Variants in F2R observed in about 807,000 individuals in gnomAD.
F2R encodes the protein coagulation factor II thrombin receptor.
In F2R, 12 loss-of-function variants were observed where a neutral mutation model predicts 18.3. The observed-to-expected ratio is 0.66, with a 90% CI of 0.42 to 1.06. The LOEUF (loss-of-function observed/expected upper bound fraction) is 1.06. Among genes scored for constraint, F2R ranks in the 50% least tolerant of loss-of-function variants. The pLI is 0.00. For synonymous variants in F2R, 210 were observed against 219.9 expected, an observed-to-expected ratio of 0.95 and a Z score of 0.40; for missense variants, 438 against 530.8, an observed-to-expected ratio of 0.83 and a Z score of 1.72.
chr5:76,728,153 TATAAC>T (rs1748604953), intron 1 of F2R, among the ~76,000 whole-genome samples: 2 of 152,254 alleles, frequency 1.3e-5, no homozygotes, highest in South Asian at 2.1e-4. Flanking sequence ...AAATCAAACT[TATAAC>T]ATGTATTACC....
chr5:76,732,247 T>G (rs1472024540), intron 1 of F2R, 67 bp from the exon 2 acceptor site: 1 of 1,243,516 alleles, frequency 8.0e-7, no homozygotes, highest in African/African-American at 1.5e-5. Context: ...TGCTCTCTGC[T>G]TGTCGCTTTT....
chr5:76,726,254 G>A (rs905402186), intron 1 of F2R, among the ~76,000 whole-genome samples: 4 of 151,842 alleles, frequency 2.6e-5, no homozygotes, highest in Non-Finnish European at 4.4e-5. Flanking sequence ...CTGGGCAGCC[G>A]GGCGCGGTGG....
At chr5:76,722,780 G>C (rs1748489036) in intron 1 of F2R, among the ~76,000 whole-genome samples, 1 of 152,018 alleles carries the variant, frequency 6.6e-6, no homozygotes, top group African/African-American at 2.4e-5. Flanking sequence ...GTGAAACCCT[G>C]TCTCTACTAA....
chr5:76,724,333 A>G (rs1748518547), intron 1 of F2R, among the ~76,000 whole-genome samples: 1 of 152,218 alleles, frequency 6.6e-6, no homozygotes, highest in Admixed American at 6.5e-5. Flanking sequence ...GGCTTCCCGA[A>G]GTGCTGGCAT....
chr5:76,725,717 C>T (rs1327820065), intron 1 of F2R, among the ~76,000 whole-genome samples: 2 of 151,992 alleles, frequency 1.3e-5, no homozygotes, highest in Admixed American at 6.6e-5. Flanking sequence ...CCTTAGGCAG[C>T]GATATTTAAC....
intron 1 of F2R, among the ~76,000 whole-genome samples, chr5:76,731,508 CTT>C (rs112086507): frequency 4.3e-4 from 60 of 141,122 alleles, no homozygotes; most frequent in African/African-American, 1.4e-3. Flanking sequence ...ATCCCCTCTA[CTT>C]TTTTTTTTTT....
intron 1 of F2R, 173 bp downstream of exon 1, chr5:76,716,568 C>T (rs774339971): frequency 1.4e-6 from 1 of 698,214 alleles, no homozygotes. Context: ...GGCGTGCCAC[C>T]CCCTTCGCGG....
At chr5:76,724,932 T>A (rs1244620528) in intron 1 of F2R, among the ~76,000 whole-genome samples, 1 of 152,248 alleles carries the variant, frequency 6.6e-6, no homozygotes, top group Non-Finnish European at 1.5e-5. Context: ...GCTGGTGTTT[T>A]CCACTTGACA....
chr5:76,727,976 C>A (rs1446496547), intron 1 of F2R, among the ~76,000 whole-genome samples: 1 of 150,908 alleles, frequency 6.6e-6, no homozygotes, highest in Non-Finnish European at 1.5e-5. Context: ...TAGCCTCGAT[C>A]TCCCAGGCTC....
intron 1 of F2R, chr5:76,716,602 T>A: frequency 1.4e-6 from 1 of 712,018 alleles, no homozygotes; most frequent in Non-Finnish European, 2.5e-6. Flanking sequence ...CCCTTTGGAC[T>A]CGATCTTGGA....
chr5:76,727,257 G>A (rs572506074), intron 1 of F2R, among the ~76,000 whole-genome samples: 15 of 152,250 alleles, frequency 9.9e-5, no homozygotes, highest in South Asian at 2.1e-4. Context: ...TGTTTCACAC[G>A]GGATGCTCCA....
rs11459024 is a variant in F2R, at chr5:76,722,950, C to CAA, written c.88+6568_88+6569dup. 3.5e-3 allele frequency among the ~76,000 whole-genome samples: 502 copies of CAA among 144,996 alleles called. 1 individual carries two copies. Among genetic ancestry groups the CAA allele is most frequent in the East Asian group, 0.014 (71 of 4,942 alleles). On this transcript the variant is annotated intron_variant, in intron 1 of 1. Coordinates refer to ENST00000319211, the MANE Select transcript of F2R (RefSeq NM_001992.5). Reference sequence around the variant, plus strand: ...TGGGAGACAGAGTGAGACTCTGTATCAAAAAAAAAAAAAAGAATTTTGTCT... The same window carrying CAA: ...TGGGAGACAGAGTGAGACTCTGTATCAAAAAAAAAAAAAAAAGAATTTTGTCT...
intron 1 of F2R, among the ~76,000 whole-genome samples, chr5:76,722,481 C>A (rs571626384): frequency 7.1e-4 from 108 of 152,318 alleles, no homozygotes; most frequent in African/African-American, 2.6e-3. Flanking sequence ...ATGTAGTCTT[C>A]ATGCCTGCTG....
intron 1 of F2R, among the ~76,000 whole-genome samples, chr5:76,719,662 C>T (rs974395425): frequency 3.9e-5 from 6 of 152,134 alleles, no homozygotes; most frequent in African/African-American, 7.2e-5. Flanking sequence ...CTCTAACACC[C>T]CCTATAGAAA....
At position 76,734,511 on chromosome 5, in the gene F2R, TA is replaced by T. The variant is rs1194520000; in HGVS notation, c.*1013del. 1 of 152,362 alleles carries T rather than the reference TA, an allele frequency of 6.6e-6. No homozygotes were observed. The highest frequency in any genetic ancestry group is 2.4e-5 in the African/African-American group (1 of 41,456). The allele number at this position is 152,362 out of a possible 1,614,324, so 9.4% of individuals were successfully genotyped here. On this transcript the variant is annotated 3_prime_UTR_variant, in exon 2 of 2. Transcript: ENST00000319211. ...CCATGAAAGACTTCTCTACCCATCT[TA>T]AAAACAACGAAAGAAGGCATGGACT...
intron 1 of F2R, among the ~76,000 whole-genome samples, chr5:76,726,567 G>C (rs1029570842): frequency 6.6e-6 from 1 of 151,908 alleles, no homozygotes; most frequent in African/African-American, 2.4e-5. Context: ...TGGGCATGGC[G>C]GTGCGTGCTT....
At chr5:76,722,809 G>A (rs1748489623) in intron 1 of F2R, among the ~76,000 whole-genome samples, 1 of 151,970 alleles carries the variant, frequency 6.6e-6, no homozygotes, top group South Asian at 2.1e-4. Context: ...AAATTAGCCG[G>A]GCATGGTGGT....
At chr5:76,728,629 G>A (rs112205135) in intron 1 of F2R, among the ~76,000 whole-genome samples, 1 of 150,554 alleles carries the variant, frequency 6.6e-6, no homozygotes, top group Non-Finnish European at 1.5e-5. Context: ...TCCATAACTG[G>A]GCTATTATAA....
At chr5:76,723,337 A>C (rs1748501054) in intron 1 of F2R, among the ~76,000 whole-genome samples, 1 of 152,196 alleles carries the variant, frequency 6.6e-6, no homozygotes, top group Non-Finnish European at 1.5e-5. Context: ...TTAAGGAGAG[A>C]ATAGCGTGGA....
Sources: allele counts gnomAD v4.1 joint callset (sites outside exome capture counted in the v4.1 genomes callset), GRCh38; gene constraint gnomAD v4.1.1; transcripts MANE v1.5; gene names NCBI Gene and HGNC (gene_info 2026-07-23, HGNC 2026-07-21).